THYN1: variants seen among roughly 807,000 people sequenced by gnomAD.
THYN1 encodes the protein thymocyte protein thy28.
A neutral mutation model predicts 30.6 loss-of-function variants in THYN1; 32 were observed. That is an observed-to-expected ratio of 1.05 (90% CI 0.79 to 1.40). The LOEUF (loss-of-function observed/expected upper bound fraction) is 1.40. THYN1 is among the 40% of genes most tolerant of loss of function. The pLI is 0.00. For missense variants in THYN1, 259 were observed against 272.6 expected (o/e 0.95, Z 0.35); for synonymous variants, 107 against 90.8 (o/e 1.18, Z -1.01).
chr11:134,253,194 T>C lies in THYN1; in HGVS notation c.-312A>G, dbSNP rs1295509804. ...GGGAAGTGGCTCCACAGAGACACTTTTGTTGGGTGAATATAAGTAAGCCTT... is the reference window on the plus strand; with the variant it reads ...GGGAAGTGGCTCCACAGAGACACTTCTGTTGGGTGAATATAAGTAAGCCTT... On this transcript the variant is annotated 5_prime_UTR_variant, in exon 1 of 7. Transcript: ENST00000341541. 3 of 1,330,198 alleles carry C rather than the reference T, an allele frequency of 2.3e-6. No individual in the cohort carries two copies. The highest frequency in any genetic ancestry group is 7.4e-5 in the Admixed American group (2 of 27,014). 82.4% of individuals were successfully genotyped at this position (1,330,198 alleles called of 1,614,324 possible).
chr11:134,249,858 G>C lies in THYN1; in HGVS notation c.354C>G (p.Cys118Trp), dbSNP rs1398178242. The C allele has an allele frequency of 6.2e-7, 1 of 1,614,136 alleles. No individual in the cohort carries two copies. Among genetic ancestry groups the C allele is most frequent in the Admixed American group, 1.7e-5 (1 of 60,006 alleles). ...GEEAFFYHSN[C>W]KEPGIAGLMK... The stretch of plus-strand genomic sequence containing the variant: ...TGAGTCCTGCGATGCCTGGCTCTTT[G>C]CAGTTGCTATGGTAGAAGAAGGCTT... The change falls in exon 4 of 7, where the codon TGC (cysteine) becomes TGG (tryptophan). Residue 118 changes from cysteine (C) to tryptophan (W), a missense_variant. By Grantham distance (215) the Cys-to-Trp change is radical. Coordinates refer to ENST00000341541, the MANE Select transcript of THYN1 (RefSeq NM_014174.3).
chr11:134,249,160 T>G lies in THYN1; in HGVS notation c.480+7A>C. 6.2e-7 allele frequency: 1 copy of G among 1,609,602 alleles called. No individual in the cohort carries two copies. Among genetic ancestry groups the G allele is most frequent in the East Asian group, 2.2e-5 (1 of 44,846 alleles). ...CCCTGTCATGAAATAGAAAGCATAG[T>G]CTTTACCATGGACCACTTAGGGTTG... On this transcript the variant is annotated splice_region_variant and intron_variant, in intron 5 of 6. Transcript: ENST00000341541.
chr11:134,249,423 C>T (rs1370568837), intron 4 of THYN1, among the ~76,000 whole-genome samples, 161 bp from the exon 5 acceptor site: 2 of 152,166 alleles, frequency 1.3e-5, no homozygotes, highest in African/African-American at 4.8e-5. Context: ...AATATATAGT[C>T]TAATATATAG....
intron 5 of THYN1, 86 bp downstream of exon 5, chr11:134,249,081 G>T: frequency 1.3e-6 from 2 of 1,543,664 alleles, no homozygotes; most frequent in Non-Finnish European, 1.8e-6. Context: ...GTGCTGGGCC[G>T]TGTACCTTGA....
intron 1 of THYN1, 96 bp downstream of exon 1, chr11:134,252,744 T>TG: frequency 7.3e-7 from 1 of 1,367,926 alleles, no homozygotes. Context: ...TCACAAAGGG[T>TG]TCTCAAAAAG....
chr11:134,249,097 A>G (rs781668448), intron 5 of THYN1, 70 bp downstream of exon 5: 21 of 1,557,206 alleles, frequency 1.3e-5, no homozygotes, highest in Non-Finnish European at 1.6e-5. Context: ...CTTGACCTAC[A>G]GTCACCCCAA....
chr11:134,248,624 G>A lies in THYN1; in HGVS notation c.632-140C>T, dbSNP rs1033482564. On this transcript the variant is annotated intron_variant, in intron 6 of 6. Coordinates refer to ENST00000341541, the MANE Select transcript of THYN1 (RefSeq NM_014174.3). ...TTCAAAACTATTTACCAGGTGCCAAGCACTATAGAGTACTGGGTAATAGTA... is the reference window on the plus strand; with the variant it reads ...TTCAAAACTATTTACCAGGTGCCAAACACTATAGAGTACTGGGTAATAGTA... 2.3e-6 allele frequency: 3 copies of A among 1,331,830 alleles called. No individual in the cohort carries two copies. In the African/African-American group the frequency reaches 4.4e-5, roughly 19 times the overall value. The allele number at this position is 1,331,830 out of a possible 1,614,324, so 82.5% of individuals were successfully genotyped here. A position where few individuals can be genotyped will look rare whatever the true frequency, so the allele number is the denominator to read the frequency against.
intron 1 of THYN1, 118 bp downstream of exon 1, chr11:134,252,722 G>A (rs1437470286): frequency 1.4e-5 from 16 of 1,135,000 alleles, no homozygotes; most frequent in Non-Finnish European, 1.8e-5. Flanking sequence ...TAAGGATAAT[G>A]GAGTAAAAAT....
intron 4 of THYN1, 146 bp from the exon 5 acceptor site, chr11:134,249,408 G>T: frequency 1.4e-6 from 1 of 725,046 alleles, no homozygotes. Context: ...CAGATATTTG[G>T]AAACAATATA....
chr11:134,249,690 T>TCC lies in THYN1; in HGVS notation c.384+136_384+137dup. 4 of 824,850 alleles carry TCC rather than the reference T, an allele frequency of 4.8e-6. No homozygotes were observed. The South Asian group carries it at 6.9e-5, about 14-fold the overall frequency. 51.1% of individuals were successfully genotyped at this position (824,850 alleles called of 1,614,324 possible). A position where few individuals can be genotyped will look rare whatever the true frequency, so the allele number is the denominator to read the frequency against. ...GATAGGAAGGGGCCAGGGCAGTTTT[T>TCC]CCCTATTCCTGTAAAAGGGGGATGG... is the stretch of plus-strand genomic sequence containing the variant. On this transcript the variant is annotated intron_variant, in intron 4 of 6. Transcript: ENST00000341541.
At chr11:134,251,059 T>A in intron 2 of THYN1, 71 bp downstream of exon 2, 1 of 1,429,708 alleles carries the variant, frequency 7.0e-7, no homozygotes, top group Non-Finnish European at 9.4e-7. Flanking sequence ...GATGGAACCC[T>A]ATGGTGTCCC....
intron 4 of THYN1, 122 bp from the exon 5 acceptor site, chr11:134,249,384 A>G (rs1938939816): frequency 2.3e-6 from 2 of 877,626 alleles, no homozygotes; most frequent in Admixed American, 4.0e-5. Context: ...CTTGCTGTAC[A>G]GCCAATGGGG....
rs2136060196 is a variant in THYN1 at position 134,249,903 on chromosome 11, T to C, written c.309A>G (p.Arg103=). 2 of 1,613,978 alleles carry C rather than the reference T, an allele frequency of 1.2e-6. No homozygotes were observed. Among genetic ancestry groups the C allele is most frequent in the Non-Finnish European group, 1.7e-6 (2 of 1,179,952 alleles). Residue 103 remains arginine, a synonymous_variant, in exon 4 of 7, where the codon AGA becomes AGG. Coordinates refer to ENST00000341541, the MANE Select transcript of THYN1 (RefSeq NM_014174.3). ...AGGCTTCTTCTCCCAGCTTCATGGC[T>C]CTAAGGAAGTTCCGAGCCTGTCCCG... ...VRNYQARNFL[R]AMKLGEEAFF...
At position 134,248,892 on chromosome 11, in the gene THYN1, TGA is replaced by T. The variant is rs779899925; in HGVS notation, c.546_547del (p.His182GlnfsTer32). The T allele has an allele frequency of 2.2e-5, 36 of 1,613,880 alleles. No individual in the cohort carries two copies. The highest frequency in any genetic ancestry group is 3.1e-5 in the Non-Finnish European group (36 of 1,179,864). ...GGGGCCACCAGTAGCTTTGTGAGCTTGATGATAGGATTTGAGCTCAGCCAGGG... is the reference window on the plus strand; with the variant it reads ...GGGGCCACCAGTAGCTTTGTGAGCTTTGATAGGATTTGAGCTCAGCCAGGG... On this transcript the variant is annotated frameshift_variant, in exon 6 of 7. Transcript: ENST00000341541. LOFTEE classifies it high-confidence loss of function.
chr11:134,249,721 G>A, intron 4 of THYN1, 107 bp downstream of exon 4: 1 of 1,067,112 alleles, frequency 9.4e-7, no homozygotes, highest in Non-Finnish European at 1.4e-6. Context: ...GATGGGGTGG[G>A]GGGGAGTGTA....
intron 1 of THYN1, among the ~76,000 whole-genome samples, chr11:134,252,147 C>T (rs1022802279): frequency 6.6e-6 from 1 of 152,082 alleles, no homozygotes; most frequent in Non-Finnish European, 1.5e-5. Flanking sequence ...AGTCAAAGTC[C>T]CTACATCAAT....
chr11:134,252,990 A>T lies in THYN1; in HGVS notation c.-108T>A. On this transcript the variant is annotated 5_prime_UTR_variant, in exon 1 of 7. Transcript: ENST00000341541. ...CGCGCAGAGCGAGATGGAGGCAACG[A>T]GAGGCAGCCTAGAACGTCTCCAACT... 6.7e-7 allele frequency: 1 copy of T among 1,483,990 alleles called. No individual in the cohort carries two copies. Among genetic ancestry groups the T allele is most frequent in the Non-Finnish European group, 8.9e-7 (1 of 1,121,616 alleles). 91.9% of individuals were successfully genotyped at this position (1,483,990 alleles called of 1,614,324 possible).
intron 3 of THYN1, 133 bp from the exon 4 acceptor site, chr11:134,250,053 C>T: frequency 9.6e-7 from 1 of 1,040,726 alleles, no homozygotes; most frequent in South Asian, 1.6e-5. Flanking sequence ...AAAGTCCTTC[C>T]CCTTTGCCAG....
chr11:134,253,026 A>G lies in THYN1; in HGVS notation c.-144T>C. The G allele has an allele frequency of 7.0e-7, 1 of 1,428,834 alleles. No individual in the cohort carries two copies. The highest frequency in any genetic ancestry group is 9.1e-7 in the Non-Finnish European group (1 of 1,097,394). 88.5% of individuals were successfully genotyped at this position (1,428,834 alleles called of 1,614,324 possible). A position where few individuals can be genotyped will look rare whatever the true frequency, so the allele number is the denominator to read the frequency against. On this transcript the variant is annotated 5_prime_UTR_variant, in exon 1 of 7. Transcript: ENST00000341541. ...AGAACGTCTCCAACTTTTGCGAAAC[A>G]CAGACGCCTACGTTTGAGCCCTCAA... is the stretch of plus-strand genomic sequence containing the variant.
Sources: gnomAD v4.1 joint callset for allele counts (sites outside exome capture counted in the v4.1 genomes callset) on GRCh38, gnomAD v4.1.1 for gene constraint, MANE v1.5 for transcripts, NCBI Gene and HGNC (gene_info 2026-07-23, HGNC 2026-07-21) for gene names.